Variants in FCRL2 observed in about 807,000 individuals in gnomAD.
FCRL2 encodes the protein Fc receptor like 2.
Under a neutral mutation model 59.8 loss-of-function variants are expected in FCRL2, and 48 were observed. That is an observed-to-expected ratio of 0.80 (90% CI 0.64 to 1.02). The LOEUF (loss-of-function observed/expected upper bound fraction) is 1.02, where lower values mean the gene tolerates loss of function less well. Ranked by LOEUF, FCRL2 falls within the 50% of genes least tolerant of loss-of-function variation. The pLI is 0.00. For synonymous variants in FCRL2, 251 were observed against 229.5 expected, an observed-to-expected ratio of 1.09 and a Z score of -0.85; for missense variants, 658 against 597.3, an observed-to-expected ratio of 1.10 and a Z score of -1.06.
Position 157,770,100 on chromosome 1 carries a change from C to T in FCRL2, c.361G>A (p.Gly121Arg). The part of the protein sequence containing the change: ...LTASSFQPIE[G>R]GPVSLKCETR... ...TCACATTTCAGGCTCACTGGACCCC[C>T]TTCGATGGGCTGGAAGGAGCTGGCA... The change falls in exon 4 of 12, where the codon GGG becomes AGG. Residue 121 changes from glycine to arginine, a missense_variant. Coordinates refer to ENST00000361516, the MANE Select transcript of FCRL2 (RefSeq NM_030764.4). 2 of 1,614,172 alleles carry T rather than the reference C, an allele frequency of 1.2e-6. No homozygotes were observed. The highest frequency in any genetic ancestry group is 1.7e-6 in the Non-Finnish European group (2 of 1,180,036).
Position 157,766,889 on chromosome 1 carries a change from AG to A in FCRL2, c.1244del (p.Ala415ValfsTer54). 5.6e-6 allele frequency: 9 copies of A among 1,614,222 alleles called. No homozygotes were observed. Among genetic ancestry groups the A allele is most frequent in the Non-Finnish European group, 7.6e-6 (9 of 1,180,044 alleles). The part of the protein sequence containing the change: ...LFGVLGFTGV[A>X]LLLYALFHKI... ...TGTGGAACAAGGCATACAACAGCAA[AG>A]CAACACCAGTGAAACCAAGGACACC... is the stretch of plus-strand genomic sequence containing the variant. On this transcript the variant is annotated frameshift_variant, in exon 7 of 12. Transcript: ENST00000361516. LOFTEE classifies it high-confidence loss of function.
chr1:157,760,707 G>GAA (rs763431250), intron 7 of FCRL2, among the ~76,000 whole-genome samples: 1 of 104,926 alleles, frequency 9.5e-6, no homozygotes, highest in Non-Finnish European at 2.0e-5. Context: ...AGGAAAGAAA[G>GAA]AAAGAAAGAA....
chr1:157,774,452 A>G (rs1650259047), intron 2 of FCRL2: 1 of 456,352 alleles, frequency 2.2e-6, no homozygotes, highest in South Asian at 1.5e-5. Flanking sequence ...GTTCTCTCTT[A>G]CTCTTTTTAA....
intron 2 of FCRL2, among the ~76,000 whole-genome samples, chr1:157,772,677 T>C (rs1407444876): frequency 6.6e-6 from 1 of 152,240 alleles, no homozygotes; most frequent in Non-Finnish European, 1.5e-5. Context: ...TGTGTGATAC[T>C]GGACAAAGCA....
chr1:157,773,956 G>T (rs918866610), intron 2 of FCRL2, among the ~76,000 whole-genome samples: 1 of 152,166 alleles, frequency 6.6e-6, no homozygotes, highest in Non-Finnish European at 1.5e-5. Context: ...CAGGGAGAAG[G>T]GTAGGTTGTG....
intron 2 of FCRL2, chr1:157,774,438 C>T: frequency 2.2e-6 from 1 of 456,464 alleles, no homozygotes; most frequent in South Asian, 1.5e-5. Context: ...TCATGCTGAA[C>T]TAAGTTCTCT....
intron 1 of FCRL2, among the ~76,000 whole-genome samples, chr1:157,776,667 A>G (rs1381052812): frequency 6.6e-6 from 1 of 152,222 alleles, no homozygotes; most frequent in East Asian, 1.9e-4. Context: ...GCTGAACCCA[A>G]ATCTTATAGA....
chr1:157,762,234 G>A (rs926201264), intron 7 of FCRL2, among the ~76,000 whole-genome samples: 4 of 152,248 alleles, frequency 2.6e-5, no homozygotes, highest in African/African-American at 7.2e-5. Flanking sequence ...CCATCTGCAG[G>A]TCTGGAGTCT....
chr1:157,756,462 C>T lies in FCRL2; in HGVS notation c.1280-6785G>A, dbSNP rs147519635. Among the ~76,000 whole-genome samples, 46 of 152,164 alleles carry T rather than the reference C, an allele frequency of 3.0e-4. 2 individuals are homozygous for T. In the East Asian group the frequency reaches 3.3e-3, roughly 11 times the overall value. On this transcript the variant is annotated intron_variant, in intron 7 of 11. Coordinates refer to ENST00000361516, the MANE Select transcript of FCRL2 (RefSeq NM_030764.4). The stretch of plus-strand genomic sequence containing the variant: ...CTTTGGGAGGCCAAGGTAAGAAGAT[C>T]GCTTGAGCCCAGGAGTTCAAGACTA...
chr1:157,746,726 C>A lies in FCRL2; in HGVS notation c.*10G>T. On this transcript the variant is annotated 3_prime_UTR_variant, in exon 12 of 12. Transcript: ENST00000361516. ...TTGCTGTTGATCTTCCCTTCTGATT[C>A]CTCCAAGTGTTATGATTTCTTCACA... 1.2e-6 allele frequency: 2 copies of A among 1,613,106 alleles called. No individual in the cohort carries two copies. Among genetic ancestry groups the A allele is most frequent in the South Asian group, 1.1e-5 (1 of 91,040 alleles).
rs1649650605 is a variant in FCRL2, at chr1:157,767,915, C to T, written c.884-406G>A. The T allele has an allele frequency of 1.4e-5, 5 of 362,408 alleles. No homozygotes were observed. The South Asian group carries it at 2.6e-4, about 18-fold the overall frequency. The allele number at this position is 362,408 out of a possible 1,614,324, so 22.4% of individuals were successfully genotyped here. A position where few individuals can be genotyped will look rare whatever the true frequency, so the allele number is the denominator to read the frequency against. ...TATATTTAGGTATGTTTATTCAGCC[C>T]AGTTCAGGACTATAGGACTGGGTTA... On this transcript the variant is annotated intron_variant, in intron 5 of 11. Transcript: ENST00000361516.
At chr1:157,767,712 C>A in intron 5 of FCRL2, 2 of 1,548,668 alleles carry the variant, frequency 1.3e-6, no homozygotes, top group Non-Finnish European at 1.7e-6. Flanking sequence ...TGGGTGCTGC[C>A]TGCAGACACG....
At chr1:157,763,333 G>C (rs1204210075) in intron 7 of FCRL2, among the ~76,000 whole-genome samples, 1 of 151,858 alleles carries the variant, frequency 6.6e-6, no homozygotes, top group Non-Finnish European at 1.5e-5. Context: ...GACTAGCCTG[G>C]CCAACATGGT....
intron 11 of FCRL2, 48 bp downstream of exon 11, chr1:157,746,823 T>C (rs1647783579): frequency 1.9e-6 from 3 of 1,613,726 alleles, no homozygotes; most frequent in Middle Eastern, 1.7e-4. Flanking sequence ...AGAAAATAAA[T>C]AGGGAGAAGG....
rs1649887913 is a variant in FCRL2, at chr1:157,770,131, C to T, written c.330G>A (p.Val110=). The change falls in exon 4 of 12, where the codon GTG becomes GTA. Residue 110 remains valine (V), a synonymous_variant. Coordinates refer to ENST00000361516, the MANE Select transcript of FCRL2 (RefSeq NM_030764.4). ...TGGGCTGGAAGGAGCTGGCAGTCAG[C>T]ACAGGACGTTGAAAGAGCTCTAGAG... is the stretch of plus-strand genomic sequence containing the variant. ...IKVQELFQRP[V]LTASSFQPIE... 1 of 1,613,940 alleles carries T rather than the reference C, an allele frequency of 6.2e-7. No individual in the cohort carries two copies.
At chr1:157,760,362 C>T (rs1247552576) in intron 7 of FCRL2, among the ~76,000 whole-genome samples, 1 of 151,932 alleles carries the variant, frequency 6.6e-6, no homozygotes, top group Non-Finnish European at 1.5e-5. Flanking sequence ...CTCACTCACT[C>T]CTGTAATGCC....
rs763812352 is a variant in FCRL2, at chr1:157,770,713, CCAGA to C, written c.53-51_53-48del. 5.0e-6 allele frequency: 8 copies of C among 1,605,590 alleles called. No individual in the cohort carries two copies. The Admixed American group carries it at 5.1e-5, about 10-fold the overall frequency. ...CGGATTTGCCATTTCTGCAGAGAACCCAGACAGACTCCATTGGCAGTGAGGTGGT... is the reference window on the plus strand; with the variant it reads ...CGGATTTGCCATTTCTGCAGAGAACCCAGACTCCATTGGCAGTGAGGTGGT... On this transcript the variant is annotated intron_variant, in intron 2 of 11. Transcript: ENST00000361516.
In FCRL2 at chr1:157,748,548, C is replaced by T. The variant is rs762389750; in HGVS notation, c.1459+5G>A. 9 of 1,612,980 alleles carry T rather than the reference C, an allele frequency of 5.6e-6. No homozygotes were observed. The South Asian group carries it at 9.9e-5, about 18-fold the overall frequency. On this transcript the variant is annotated splice_donor_5th_base_variant and intron_variant, in intron 10 of 11. Transcript: ENST00000361516. ...TCTGACAAGAACTACTTTGCAGTTT[C>T]TCACCTGAGCTTTCTGGCTGCTGCA...
At chr1:157,748,439 GAC>G in intron 10 of FCRL2, 112 bp downstream of exon 10, 1 of 372,412 alleles carries the variant, frequency 2.7e-6, no homozygotes, top group African/African-American at 2.8e-5. Flanking sequence ...TAGATAGATA[GAC>G]AAATAAATAA....
Sources: gnomAD v4.1 joint callset for allele counts (sites outside exome capture counted in the v4.1 genomes callset) on GRCh38, gnomAD v4.1.1 for gene constraint, MANE v1.5 for transcripts, NCBI Gene and HGNC (gene_info 2026-07-23, HGNC 2026-07-21) for gene names.